SOX13: variants seen among roughly 807,000 people sequenced by gnomAD.
The protein encoded by SOX13 is transcription factor SOX-13.
Under a neutral mutation model 71.8 loss-of-function variants are expected in SOX13, and 28 were observed. The observed-to-expected ratio is 0.39, with a 90% CI of 0.29 to 0.53. SOX13 has a LOEUF of 0.53. SOX13 is among the 20% of genes least tolerant of loss of function. SOX13 has a pLI of 0.70. For missense variants in SOX13, 627 were observed against 810.3 expected (o/e 0.77, Z 2.75); for synonymous variants, 309 against 317.8 (o/e 0.97, Z 0.29).
chr1:204,098,265 G>A (rs1263760283), intron 1 of SOX13, among the ~76,000 whole-genome samples: 1 of 152,156 alleles, frequency 6.6e-6, no homozygotes, highest in Non-Finnish European at 1.5e-5. Context: ...ATCACCTGAG[G>A]TCAGGAGTTC....
At position 204,123,114 on chromosome 1, in the gene SOX13, C is replaced by G. The variant is rs779817207; in HGVS notation, c.1137C>G (p.Asp379Glu). The change falls in exon 11 of 14, where the codon GAC becomes GAG. Residue 379 changes from aspartate (D) to glutamate (E), a missense_variant and splice_region_variant. By Grantham distance (45) the Asp-to-Glu change is conservative (BLOSUM62 2). This residue lies in a region of SOX13 where 447 missense variants were observed against 532.2 expected (regional missense o/e 0.84). Transcript: ENST00000367204. This position sits in a 1 kb window ranked among gnomAD's most constrained non-coding sequence, Gnocchi z 5.0. ...TCAGGTTGCCCCTGTCAACCTAGGA[C>G]CTCATCAGCCTGGACTCATCCCCAG... ...DGSPNTPFRKDLISLDSSPAK... is the reference protein window; with the variant it reads ...DGSPNTPFRKELISLDSSPAK... The G allele has an allele frequency of 2.5e-6, 4 of 1,613,268 alleles. No individual in the cohort carries two copies. In the Middle Eastern group the frequency reaches 4.9e-4, roughly 199 times the overall value.
At chr1:204,099,424 C>CTTTTTTTTTTTT (rs200311750) in intron 1 of SOX13, among the ~76,000 whole-genome samples, 1 of 93,452 alleles carries the variant, frequency 1.1e-5, no homozygotes, top group African/African-American at 4.0e-5. Flanking sequence ...CTTTTTCTGG[C>CTTTTTTTTTTTT]TTTTTTTTTT....
At position 204,126,465 on chromosome 1, in the gene SOX13, G is replaced by A; in HGVS notation, c.*331G>A. ...CCTGGGGTATGGCATCTACCGACCTGTCTCCCTGGGGTCACATGCTTTGTT... is the reference window on the plus strand; with the variant it reads ...CCTGGGGTATGGCATCTACCGACCTATCTCCCTGGGGTCACATGCTTTGTT... On this transcript the variant is annotated 3_prime_UTR_variant, in exon 14 of 14. Coordinates refer to ENST00000367204, the MANE Select transcript of SOX13 (RefSeq NM_005686.3). 1 of 334,480 alleles carries A rather than the reference G, an allele frequency of 3.0e-6. No individual in the cohort carries two copies. The allele number at this position is 334,480 out of a possible 1,614,324, so 20.7% of individuals were successfully genotyped here.
intron 12 of SOX13, among the ~76,000 whole-genome samples, chr1:204,124,007 C>T (rs1656866601): frequency 6.6e-6 from 1 of 152,154 alleles, no homozygotes; most frequent in Non-Finnish European, 1.5e-5. Flanking sequence ...AGCACCTGTC[C>T]TCAAGAACTC....
intron 1 of SOX13, among the ~76,000 whole-genome samples, chr1:204,100,954 T>C (rs892687231): frequency 6.6e-6 from 1 of 152,248 alleles, no homozygotes. Context: ...GCTCACCTCC[T>C]CAAGGGCTGG....
At chr1:204,120,535 C>T (rs1226614192) in intron 7 of SOX13, among the ~76,000 whole-genome samples, 1 of 152,260 alleles carries the variant, frequency 6.6e-6, no homozygotes, top group Non-Finnish European at 1.5e-5. Flanking sequence ...GGGCTCCGTA[C>T]TCCTGACCTC....
At chr1:204,086,334 C>T (rs938519632) in intron 1 of SOX13, among the ~76,000 whole-genome samples, 5 of 152,124 alleles carry the variant, frequency 3.3e-5, no homozygotes, top group African/African-American at 7.2e-5. Flanking sequence ...AATGGAGTCT[C>T]GCTGTGTCGC....
chr1:204,074,557 T>G (rs1655745775), intron 1 of SOX13, among the ~76,000 whole-genome samples: 1 of 152,182 alleles, frequency 6.6e-6, no homozygotes, highest in East Asian at 1.9e-4. Context: ...GTGCGCCGGC[T>G]CTGGCTGCTT....
intron 1 of SOX13, among the ~76,000 whole-genome samples, chr1:204,098,387 G>C (rs1656296558): frequency 6.6e-6 from 1 of 152,080 alleles, no homozygotes; most frequent in South Asian, 2.1e-4. Flanking sequence ...TGAGGCAGGA[G>C]AATTGCTTGA....
At chr1:204,087,779 T>A (rs956782219) in intron 1 of SOX13, among the ~76,000 whole-genome samples, 3 of 152,236 alleles carry the variant, frequency 2.0e-5, no homozygotes, top group Non-Finnish European at 4.4e-5. Flanking sequence ...TCAGACACTT[T>A]GCCACAGCCC....
At chr1:204,115,050 C>T (rs977843368) in intron 4 of SOX13, among the ~76,000 whole-genome samples, 2 of 151,118 alleles carry the variant, frequency 1.3e-5, no homozygotes, top group Admixed American at 6.6e-5. Flanking sequence ...CTCCCTGTGT[C>T]GCCCAGGCTG....
intron 1 of SOX13, among the ~76,000 whole-genome samples, chr1:204,109,818 T>A (rs1190653961): frequency 6.6e-6 from 1 of 150,838 alleles, no homozygotes; most frequent in Admixed American, 6.6e-5. Flanking sequence ...TATTTATTGT[T>A]ATTATTATTA....
At chr1:204,092,129 C>A (rs1049345094) in intron 1 of SOX13, among the ~76,000 whole-genome samples, 2 of 152,024 alleles carry the variant, frequency 1.3e-5, no homozygotes, top group Admixed American at 6.6e-5. Context: ...CTCACTGCAG[C>A]CTTGAGCTCC....
rs1656882061 is a variant in SOX13 at position 204,124,660 on chromosome 1, G to A, written c.1395G>A (p.Met465Ile). ...GGTCAGGATCTCGCTGGAAGTCCATGACCAACCAGGAGAAGCAGCCCTACT... is the reference window on the plus strand; with the variant it reads ...GGTCAGGATCTCGCTGGAAGTCCATAACCAACCAGGAGAAGCAGCCCTACT... ...SKILGSRWKS[M>I]TNQEKQPYYE... The change falls in exon 13 of 14, where the codon ATG (methionine) becomes ATA (isoleucine). Residue 465 changes from methionine (M) to isoleucine (I), a missense_variant. By Grantham distance (10) the Met-to-Ile change is conservative (BLOSUM62 1). Coordinates refer to ENST00000367204, the MANE Select transcript of SOX13 (RefSeq NM_005686.3). The A allele has an allele frequency of 6.2e-7, 1 of 1,612,302 alleles. No homozygotes were observed. Among genetic ancestry groups the A allele is most frequent in the Admixed American group, 1.7e-5 (1 of 59,868 alleles).
chr1:204,075,370 C>G (rs765587871), intron 1 of SOX13, among the ~76,000 whole-genome samples: 1 of 152,268 alleles, frequency 6.6e-6, no homozygotes, highest in Non-Finnish European at 1.5e-5. Context: ...ATCTGCGCCT[C>G]GGCGCAGTTG....
At position 204,073,305 on chromosome 1, in the gene SOX13, T is replaced by G. The variant is rs77321629; in HGVS notation, c.-408T>G. 0.17 allele frequency: 25,884 copies of G among 152,330 alleles called. 2,872 individuals are homozygous for G. Among genetic ancestry groups the G allele is most frequent in the African/African-American group, 0.31 (13,029 of 41,424 alleles). 9.4% of individuals were successfully genotyped at this position (152,330 alleles called of 1,614,324 possible). On this transcript the variant is annotated 5_prime_UTR_variant, in exon 1 of 14. Transcript: ENST00000367204. This position sits in a 1 kb window ranked among gnomAD's most constrained non-coding sequence, Gnocchi z 6.8. Reference sequence around the variant, plus strand: ...GCGCTGAGGTTGGAGCCGGAGAGCGTGAGAGCCGAAGAGCAGGGAGGGCGG... The same window carrying G: ...GCGCTGAGGTTGGAGCCGGAGAGCGGGAGAGCCGAAGAGCAGGGAGGGCGG...
At chr1:204,125,733 G>GTATA in intron 13 of SOX13, 125 bp from the exon 14 acceptor site, 1 of 1,083,222 alleles carries the variant, frequency 9.2e-7, no homozygotes, top group South Asian at 1.6e-5. Flanking sequence ...TGGGGGCAGG[G>GTATA]TATATAAGTC....
chr1:204,104,316 G>A (rs1656415958), intron 1 of SOX13, among the ~76,000 whole-genome samples: 1 of 152,198 alleles, frequency 6.6e-6, no homozygotes, highest in African/African-American at 2.4e-5. Context: ...ATACCCCCCA[G>A]GGCTCACAGA....
intron 1 of SOX13, among the ~76,000 whole-genome samples, chr1:204,082,114 A>G (rs1655920523): frequency 7.0e-6 from 1 of 142,692 alleles, no homozygotes. Context: ...TGTGTGTGTG[A>G]GTGTAATGTG....
Sources: allele counts gnomAD v4.1 joint callset (sites outside exome capture counted in the v4.1 genomes callset), GRCh38; gene constraint gnomAD v4.1.1; regional missense constraint gnomAD v4.1.1; non-coding constraint Gnocchi (gnomAD v3.1); transcripts MANE v1.5; gene names NCBI Gene and HGNC (gene_info 2026-07-23, HGNC 2026-07-21).